The following EML4 variants were observed in gnomAD, a reference collection of about 807,000 sequenced individuals.
The protein encoded by EML4 is echinoderm microtubule-associated protein-like 4.
A neutral mutation model predicts 129.0 loss-of-function variants in EML4; 72 were observed. The observed-to-expected ratio is 0.56, with a 90% CI of 0.46 to 0.68. The LOEUF (loss-of-function observed/expected upper bound fraction) is 0.68, where lower values mean the gene tolerates loss of function less well. EML4 is among the 30% of genes least tolerant of loss of function. The pLI is 0.00. For missense variants in EML4, 1,363 were observed against 1,190.6 expected (o/e 1.14, Z -2.13); for synonymous variants, 532 against 405.0 (o/e 1.31, Z -3.77).
intron 8 of EML4, among the ~76,000 whole-genome samples, chr2:42,283,584 C>G (rs1390606733): frequency 1.3e-5 from 2 of 152,034 alleles, no homozygotes; most frequent in Non-Finnish European, 2.9e-5. Flanking sequence ...TGGATGTTTT[C>G]CAACATTTAA....
chr2:42,196,652 A>T (rs1295644021), intron 1 of EML4, among the ~76,000 whole-genome samples: 1 of 152,210 alleles, frequency 6.6e-6, no homozygotes, highest in African/African-American at 2.4e-5. Context: ...AAAGAGCTGG[A>T]GTGAGAAAGG....
At chr2:42,260,113 C>T (rs1035800006) in intron 3 of EML4, among the ~76,000 whole-genome samples, 4 of 151,714 alleles carry the variant, frequency 2.6e-5, no homozygotes, top group Non-Finnish European at 4.4e-5. Context: ...AATCCTCCTG[C>T]CTTGGCCTCG....
At chr2:42,237,624 A>G (rs1221495128) in intron 1 of EML4, among the ~76,000 whole-genome samples, 1 of 152,210 alleles carries the variant, frequency 6.6e-6, no homozygotes, top group Non-Finnish European at 1.5e-5. Context: ...CTGACTACTG[A>G]TAGCCTACTA....
chr2:42,202,729 G>T (rs755703118), intron 1 of EML4, among the ~76,000 whole-genome samples: 4 of 152,110 alleles, frequency 2.6e-5, no homozygotes, highest in Non-Finnish European at 4.4e-5. Flanking sequence ...TGCCCACCCC[G>T]ATTGAGGGTA....
chr2:42,183,116 C>G (rs772833073), intron 1 of EML4, among the ~76,000 whole-genome samples: 1 of 152,156 alleles, frequency 6.6e-6, no homozygotes. Context: ...GATCGCACCA[C>G]TGAGCTCCAA....
intron 1 of EML4, among the ~76,000 whole-genome samples, chr2:42,217,151 A>C (rs1385553492): frequency 6.6e-6 from 1 of 152,228 alleles, no homozygotes; most frequent in Non-Finnish European, 1.5e-5. Context: ...GCATATTAGA[A>C]ACCTTTGGTG....
intron 1 of EML4, among the ~76,000 whole-genome samples, chr2:42,188,374 C>G (rs1671386528): frequency 6.6e-6 from 1 of 152,054 alleles, no homozygotes; most frequent in Admixed American, 6.5e-5. Context: ...GTGCACACCA[C>G]CATGCCTGGC....
At chr2:42,235,295 CAAAAAAA>C (rs770826722) in intron 1 of EML4, among the ~76,000 whole-genome samples, 1 of 121,800 alleles carries the variant, frequency 8.2e-6, no homozygotes, top group Non-Finnish European at 1.8e-5. Context: ...AACTCCATCT[CAAAAAAA>C]AAAAAAAAGT....
intron 3 of EML4, among the ~76,000 whole-genome samples, chr2:42,259,689 C>T (rs965541747): frequency 6.6e-6 from 1 of 150,480 alleles, no homozygotes; most frequent in African/African-American, 2.4e-5. Context: ...TGTTAGAACG[C>T]ATCTCTCTTT....
intron 1 of EML4, among the ~76,000 whole-genome samples, chr2:42,244,286 A>T (rs1675238894): frequency 2.0e-5 from 3 of 151,544 alleles, no homozygotes; most frequent in African/African-American, 4.9e-5. Context: ...TTTAATAGAG[A>T]CTGGATTTCA....
At chr2:42,317,324 G>T in intron 18 of EML4, 103 bp from the exon 19 acceptor site, 1 of 754,428 alleles carries the variant, frequency 1.3e-6, no homozygotes, top group South Asian at 1.8e-5. Context: ...TTGCCAAATA[G>T]TTAAATTGAT....
chr2:42,240,610 C>T (rs779666645), intron 1 of EML4, among the ~76,000 whole-genome samples: 2 of 152,140 alleles, frequency 1.3e-5, no homozygotes, highest in African/African-American at 2.4e-5. Flanking sequence ...CCATGATATT[C>T]TATGGTATGG....
At chr2:42,220,642 A>G (rs550709970) in intron 1 of EML4, among the ~76,000 whole-genome samples, 19 of 152,270 alleles carry the variant, frequency 1.2e-4, no homozygotes, top group Admixed American at 4.6e-4. Context: ...TGAAAGGAAG[A>G]GTGCACGTTT....
intron 1 of EML4, among the ~76,000 whole-genome samples, chr2:42,172,625 T>C (rs933668056): frequency 9.2e-5 from 14 of 152,168 alleles, no homozygotes; most frequent in Non-Finnish European, 1.6e-4. Context: ...CCACAAATTA[T>C]GGTAACTTAA....
chr2:42,230,565 C>G (rs1038950781), intron 1 of EML4, among the ~76,000 whole-genome samples: 1 of 152,072 alleles, frequency 6.6e-6, no homozygotes, highest in Non-Finnish European at 1.5e-5. Flanking sequence ...TGCCACCATC[C>G]CCAGCTAATT....
intron 7 of EML4, among the ~76,000 whole-genome samples, chr2:42,281,470 C>A (rs1667006165): frequency 1.3e-5 from 2 of 151,446 alleles, no homozygotes; most frequent in South Asian, 4.2e-4. Flanking sequence ...AAGTTTATAT[C>A]TTTGGAAAGG....
At chr2:42,300,374 A>G (rs1572716414) in intron 13 of EML4, among the ~76,000 whole-genome samples, 1 of 152,108 alleles carries the variant, frequency 6.6e-6, no homozygotes, top group East Asian at 1.9e-4. Flanking sequence ...TCTTATTCTC[A>G]CCCTTAAAAG....
At position 42,246,367 on chromosome 2, in the gene EML4, A is replaced by G. The variant is rs148436523; in HGVS notation, c.208+680A>G. ...TGATGTCTCTTACTGATTTATTGGT[A>G]GAGTATATGGGGATAGGCGTGATTA... On this transcript the variant is annotated intron_variant, in intron 2 of 22. Coordinates refer to ENST00000318522, the MANE Select transcript of EML4 (RefSeq NM_019063.5). Among the ~76,000 whole-genome samples, 256 of 152,288 alleles carry G rather than the reference A, an allele frequency of 1.7e-3. 1 individual carries two copies. The highest frequency in any genetic ancestry group is 5.9e-3 in the African/African-American group (245 of 41,560).
chr2:42,223,058 G>A (rs1159460677), intron 1 of EML4, among the ~76,000 whole-genome samples: 1 of 152,008 alleles, frequency 6.6e-6, no homozygotes, highest in East Asian at 1.9e-4. Flanking sequence ...CACCCCTTCG[G>A]CCTCCCAAAG....
Sources: gnomAD v4.1 joint callset for allele counts (sites outside exome capture counted in the v4.1 genomes callset) on GRCh38, gnomAD v4.1.1 for gene constraint, MANE v1.5 for transcripts, NCBI Gene and HGNC (gene_info 2026-07-23, HGNC 2026-07-21) for gene names.